Variants in SPAG16 observed in about 807,000 individuals in gnomAD.
SPAG16 encodes sperm-associated antigen 16 protein.
SPAG16 carries 86 observed loss-of-function variants against 80.4 expected under a neutral mutation model. That is an observed-to-expected ratio of 1.07 (90% confidence interval 0.90 to 1.28). The LOEUF is 1.28. Among genes scored for constraint, SPAG16 ranks in the 50% most tolerant of loss-of-function variants. SPAG16 has a pLI of 0.00. For missense variants in SPAG16, 870 were observed against 765.3 expected (o/e 1.14, Z -1.61); for synonymous variants, 294 against 265.9 (o/e 1.11, Z -1.03).
chr2:213,505,479 A>T (rs1014557554), intron 10 of SPAG16, among the ~76,000 whole-genome samples: 3 of 152,148 alleles, frequency 2.0e-5, no homozygotes, highest in Non-Finnish European at 4.4e-5. Flanking sequence ...TATTGAAAAT[A>T]TTGATGAGTT....
chr2:214,311,475 G>T (rs1243641945), intron 15 of SPAG16: 2 of 152,324 alleles, frequency 1.3e-5, no homozygotes, highest in Admixed American at 1.3e-4. Flanking sequence ...GCATTGTTCT[G>T]GGTTGATTGA....
intron 15 of SPAG16, among the ~76,000 whole-genome samples, chr2:214,180,226 T>G (rs1168532276): frequency 6.6e-6 from 1 of 151,618 alleles, no homozygotes; most frequent in Non-Finnish European, 1.5e-5. Context: ...AGTTTATATG[T>G]TTTATACATA....
chr2:213,526,858 G>A (rs2075903698), intron 10 of SPAG16, among the ~76,000 whole-genome samples: 1 of 152,162 alleles, frequency 6.6e-6, no homozygotes. Context: ...GTGTGGGGTT[G>A]TCAAGAAGAC....
intron 15 of SPAG16, among the ~76,000 whole-genome samples, chr2:214,333,719 T>G (rs1270251205): frequency 6.6e-6 from 1 of 152,164 alleles, no homozygotes; most frequent in Non-Finnish European, 1.5e-5. Context: ...GAGGTCAGAC[T>G]GGGTATTGGA....
intron 3 of SPAG16, among the ~76,000 whole-genome samples, chr2:213,308,194 A>G (rs1395804155): frequency 6.6e-6 from 1 of 152,216 alleles, no homozygotes; most frequent in African/African-American, 2.4e-5. Context: ...AAATAGAATT[A>G]GTATTCCCTA....
intron 10 of SPAG16, among the ~76,000 whole-genome samples, chr2:213,779,759 G>A (rs1166380026): frequency 2.6e-5 from 4 of 152,152 alleles, no homozygotes; most frequent in Non-Finnish European, 5.9e-5. Context: ...GGAGCTCTTG[G>A]TAGGGATAAC....
intron 10 of SPAG16, among the ~76,000 whole-genome samples, chr2:213,774,912 C>A (rs2069476940): frequency 6.6e-6 from 1 of 152,174 alleles, no homozygotes; most frequent in African/African-American, 2.4e-5. Context: ...AGTATGCATG[C>A]TGGAGGGTTT....
intron 13 of SPAG16, among the ~76,000 whole-genome samples, chr2:214,103,360 C>G (rs979492403): frequency 1.3e-5 from 2 of 152,192 alleles, no homozygotes; most frequent in African/African-American, 4.8e-5. Context: ...GTAGCACCTG[C>G]ATTTCACTGA....
chr2:213,443,673 A>G (rs2071124016), intron 9 of SPAG16, among the ~76,000 whole-genome samples: 1 of 152,180 alleles, frequency 6.6e-6, no homozygotes, highest in Admixed American at 6.5e-5. Context: ...TACCCAGCAG[A>G]AGGATTGCTG....
At chr2:214,014,223 C>A in intron 13 of SPAG16, 146 bp downstream of exon 13, 1 of 969,122 alleles carries the variant, frequency 1.0e-6, no homozygotes. Context: ...ATTACAAGAT[C>A]CTTTCTATGC....
chr2:213,738,362 A>G (rs887918542), intron 10 of SPAG16, among the ~76,000 whole-genome samples: 7 of 152,328 alleles, frequency 4.6e-5, no homozygotes, highest in African/African-American at 1.7e-4. Flanking sequence ...GTAGGAGATT[A>G]ATGACCAGTT....
intron 10 of SPAG16, among the ~76,000 whole-genome samples, chr2:213,844,893 A>C (rs1229400526): frequency 2.0e-5 from 3 of 152,210 alleles, no homozygotes; most frequent in Non-Finnish European, 4.4e-5. Flanking sequence ...TTTTGCATAC[A>C]TAGCAATACA....
intron 15 of SPAG16, among the ~76,000 whole-genome samples, chr2:214,190,291 C>T (rs1347035385): frequency 6.6e-6 from 1 of 152,108 alleles, no homozygotes; most frequent in Non-Finnish European, 1.5e-5. Flanking sequence ...CAAGCTTCCT[C>T]TCCTCCCTAC....
At chr2:214,186,162 A>G (rs1296907871) in intron 15 of SPAG16, among the ~76,000 whole-genome samples, 2 of 152,194 alleles carry the variant, frequency 1.3e-5, no homozygotes, top group African/African-American at 4.8e-5. Context: ...TATTAAAAGA[A>G]TTCCCTGACA....
At chr2:213,860,093 T>C (rs2105939262) in intron 10 of SPAG16, among the ~76,000 whole-genome samples, 1 of 152,206 alleles carries the variant, frequency 6.6e-6, no homozygotes, top group East Asian at 1.9e-4. Context: ...TCCATAGCCC[T>C]TAAACTGCTT....
intron 10 of SPAG16, among the ~76,000 whole-genome samples, chr2:213,701,055 C>T (rs978160270): frequency 2.6e-5 from 4 of 152,074 alleles, no homozygotes; most frequent in Non-Finnish European, 5.9e-5. Context: ...GCCTGGCCAA[C>T]ATGGTGAAAC....
chr2:214,157,620 A>G (rs2056271105), intron 15 of SPAG16, among the ~76,000 whole-genome samples: 1 of 152,070 alleles, frequency 6.6e-6, no homozygotes, highest in Non-Finnish European at 1.5e-5. Context: ...GATTTGTATA[A>G]TGTCCATTCT....
chr2:213,450,033 G>A (rs1371571174), intron 9 of SPAG16, among the ~76,000 whole-genome samples: 1 of 152,148 alleles, frequency 6.6e-6, no homozygotes, highest in Non-Finnish European at 1.5e-5. Flanking sequence ...GGCCAGACAT[G>A]GTGGCTCACA....
At chr2:214,026,771 G>T (rs1255033220) in intron 13 of SPAG16, among the ~76,000 whole-genome samples, 1 of 151,464 alleles carries the variant, frequency 6.6e-6, no homozygotes, top group African/African-American at 2.4e-5. Flanking sequence ...ACTGAAGAAA[G>T]ATTGATAACC....
Sources: allele counts gnomAD v4.1 joint callset (sites outside exome capture counted in the v4.1 genomes callset), GRCh38; gene constraint gnomAD v4.1.1; transcripts MANE v1.5; gene names NCBI Gene and HGNC (gene_info 2026-07-23, HGNC 2026-07-21).